Variants in GAK observed in about 807,000 individuals in gnomAD.
GAK encodes cyclin-G-associated kinase.
GAK carries 79 observed loss-of-function variants against 143.9 expected under a neutral mutation model. The ratio of observed to expected loss-of-function variants is 0.55; its 90% CI spans 0.46 to 0.66. GAK has a LOEUF of 0.66. Ranked by LOEUF, GAK falls within the 30% of genes least tolerant of loss-of-function variation. GAK has a pLI of 0.00. For missense variants in GAK, 1,693 were observed against 1,779.7 expected, an observed-to-expected ratio of 0.95 and a Z score of 0.88; for synonymous variants, 881 against 765.5, an observed-to-expected ratio of 1.15 and a Z score of -2.49.
chr4:870,717 T>C lies in GAK; in HGVS notation c.2242A>G (p.Lys748Glu). 6.2e-7 allele frequency: 1 copy of C among 1,613,832 alleles called. No individual in the cohort carries two copies. Among genetic ancestry groups the C allele is most frequent in the Non-Finnish European group, 8.5e-7 (1 of 1,179,964 alleles). Residue 748 changes from lysine to glutamate, a missense_variant, in exon 19 of 28, where the codon AAG becomes GAG. Around this residue, in one of 2 missense-constraint regions of GAK, gnomAD observed 822 missense variants for 788.7 expected, o/e 1.04. Transcript: ENST00000314167. ...TTCACCTGCGGGATCTTACCAAACTTAGACAGAATGTCTTGCTGCTCCTCC... is the reference window on the plus strand; with the variant it reads ...TTCACCTGCGGGATCTTACCAAACTCAGACAGAATGTCTTGCTGCTCCTCC... Reference protein sequence around the residue: ...SREEQQDILSKFGKPELPRQP... With the variant: ...SREEQQDILSEFGKPELPRQP...
intron 11 of GAK, among the ~76,000 whole-genome samples, chr4:885,046 C>T (rs953676371): frequency 1.3e-5 from 2 of 151,848 alleles, no homozygotes; most frequent in Admixed American, 6.5e-5. Context: ...TTTTAAAAGC[C>T]GTCTAAACCC....
intron 7 of GAK, among the ~76,000 whole-genome samples, chr4:896,063 A>G (rs968109084): frequency 6.6e-6 from 1 of 152,170 alleles, no homozygotes; most frequent in African/African-American, 2.4e-5. Context: ...GGAGTTCGAG[A>G]CCGGCCTGGG....
intron 4 of GAK, among the ~76,000 whole-genome samples, chr4:907,526 G>GT (rs1721298257): frequency 1.3e-5 from 2 of 152,236 alleles, no homozygotes; most frequent in African/African-American, 4.8e-5. Context: ...TGTTTCAGTG[G>GT]TAACTGGGCC....
intron 18 of GAK, among the ~76,000 whole-genome samples, chr4:874,312 G>A (rs1283122466): frequency 1.3e-5 from 2 of 152,188 alleles, no homozygotes; most frequent in East Asian, 1.9e-4. Context: ...TTTCACCACA[G>A]AGTCATGCAT....
At chr4:860,005 T>C (rs945824935) in intron 23 of GAK, among the ~76,000 whole-genome samples, 3 of 152,240 alleles carry the variant, frequency 2.0e-5, no homozygotes, top group Admixed American at 6.5e-5. Context: ...TACCACTTTC[T>C]GGAATCTATC....
chr4:857,653 C>A (rs1305865021), intron 24 of GAK, among the ~76,000 whole-genome samples: 1 of 152,170 alleles, frequency 6.6e-6, no homozygotes, highest in Non-Finnish European at 1.5e-5. Flanking sequence ...GCCTCCTGCA[C>A]CATCCCCCAT....
chr4:900,218 C>A (rs999814372), intron 5 of GAK, among the ~76,000 whole-genome samples: 1 of 151,948 alleles, frequency 6.6e-6, no homozygotes, highest in Non-Finnish European at 1.5e-5. Flanking sequence ...CACCTGTGCC[C>A]GTTCCCATTC....
chr4:882,500 A>G (rs1371012577), intron 14 of GAK, among the ~76,000 whole-genome samples, 197 bp downstream of exon 14: 1 of 152,180 alleles, frequency 6.6e-6, no homozygotes, highest in Non-Finnish European at 1.5e-5. Context: ...AGGAAGGGCC[A>G]CATGGGGAGG....
intron 24 of GAK, among the ~76,000 whole-genome samples, chr4:857,103 C>G (rs183167959): frequency 6.6e-6 from 1 of 152,310 alleles, no homozygotes; most frequent in South Asian, 2.1e-4. Flanking sequence ...CAATTACTTT[C>G]GCAGCAACCT....
chr4:898,202 G>A lies in GAK; in HGVS notation c.526-44C>T. 1.2e-6 allele frequency: 2 copies of A among 1,607,426 alleles called. 1 individual carries two copies. Among genetic ancestry groups the A allele is most frequent in the South Asian group, 2.2e-5 (2 of 90,586 alleles). ...CAGCCCCGTGAACTTGGCGTAGACAGAGATGGGACTTCAGGGAAAACGAAC... is the reference window on the plus strand; with the variant it reads ...CAGCCCCGTGAACTTGGCGTAGACAAAGATGGGACTTCAGGGAAAACGAAC... On this transcript the variant is annotated intron_variant, in intron 5 of 27. Transcript: ENST00000314167.
chr4:921,687 GTTTT>G lies in GAK; in HGVS notation c.146-8023_146-8020del, dbSNP rs75160334. On this transcript the variant is annotated intron_variant, in intron 1 of 27. Coordinates refer to ENST00000314167, the MANE Select transcript of GAK (RefSeq NM_005255.4). The stretch of plus-strand genomic sequence containing the variant: ...ATCTGCAACAGACCCCGCTTTGTTT[GTTTT>G]TTTTTTTTAATTAACTGGTCTGAGT... Among the ~76,000 whole-genome samples the G allele has an allele frequency of 1.4e-4, 20 of 143,898 alleles. 4 individuals are homozygous for G. Among genetic ancestry groups the G allele is most frequent in the East Asian group, 2.0e-4 (1 of 4,916 alleles). 94.4% of individuals were successfully genotyped at this position (143,898 alleles called of 152,430 possible). A position where few individuals can be genotyped will look rare whatever the true frequency, so the allele number is the denominator to read the frequency against.
chr4:902,599 A>AAAAAAAAAAAAAAC (rs1720100071), intron 5 of GAK, among the ~76,000 whole-genome samples: 2 of 147,832 alleles, frequency 1.4e-5, no homozygotes, highest in African/African-American at 5.0e-5. Flanking sequence ...ACTGACTCAA[A>AAAAAAAAAAAAAAC]AAAAAAAAAA....
chr4:895,936 C>T (rs1718682932), intron 7 of GAK, among the ~76,000 whole-genome samples: 1 of 152,206 alleles, frequency 6.6e-6, no homozygotes, highest in African/African-American at 2.4e-5. Flanking sequence ...CAGGACGCCC[C>T]CAACTGCTAC....
At chr4:915,428 C>G (rs546007809) in intron 1 of GAK, 1 of 154,432 alleles carries the variant, frequency 6.5e-6, no homozygotes, top group Non-Finnish European at 1.4e-5. Flanking sequence ...ATCACCAATA[C>G]CCAGAACAAG....
rs976141585 is a variant in GAK, at chr4:858,655, A to G, written c.3283+951T>C. ...AAAAAGAACATTCAAAGACGAAAAA[A>G]CTCTTGGGACTTCATGACAGAACAG... On this transcript the variant is annotated intron_variant, in intron 24 of 27. Transcript: ENST00000314167. 2.0e-5 allele frequency among the ~76,000 whole-genome samples: 3 copies of G among 152,012 alleles called. No individual in the cohort carries two copies. In the East Asian group the frequency reaches 5.8e-4, roughly 29 times the overall value.
intron 24 of GAK, among the ~76,000 whole-genome samples, chr4:857,068 G>A (rs1246110025): frequency 2.0e-5 from 3 of 152,204 alleles, no homozygotes; most frequent in African/African-American, 7.2e-5. Flanking sequence ...TACGGTTTTT[G>A]TGATTACTTT....
At chr4:929,396 T>C (rs1725327874) in intron 1 of GAK, among the ~76,000 whole-genome samples, 1 of 151,794 alleles carries the variant, frequency 6.6e-6, no homozygotes, top group African/African-American at 2.4e-5. Flanking sequence ...TAACCCCGAG[T>C]TCAAGTCAGC....
rs899049473 is a variant in GAK at position 861,429 on chromosome 4, T to C, written c.3167-1707A>G. ...ACACGGACCCCATCTCTACAAAAAATAAATTTAAAAAATTAGATGGGCATG... is the reference window on the plus strand; with the variant it reads ...ACACGGACCCCATCTCTACAAAAAACAAATTTAAAAAATTAGATGGGCATG... On this transcript the variant is annotated intron_variant, in intron 23 of 27. Coordinates refer to ENST00000314167, the MANE Select transcript of GAK (RefSeq NM_005255.4). 1.3e-5 allele frequency among the ~76,000 whole-genome samples: 2 copies of C among 152,038 alleles called. 1 individual carries two copies. Among genetic ancestry groups the C allele is most frequent in the South Asian group, 4.1e-4 (2 of 4,826 alleles).
chr4:920,232 C>T (rs751035934), intron 1 of GAK, among the ~76,000 whole-genome samples: 1 of 150,578 alleles, frequency 6.6e-6, no homozygotes, highest in Non-Finnish European at 1.5e-5. Context: ...GGCATGAACC[C>T]GGGAGGCGGA....
Sources: gnomAD v4.1 joint callset for allele counts (sites outside exome capture counted in the v4.1 genomes callset) on GRCh38, gnomAD v4.1.1 for gene constraint, gnomAD v4.1.1 regional missense constraint, MANE v1.5 for transcripts, NCBI Gene and HGNC (gene_info 2026-07-23, HGNC 2026-07-21) for gene names.